Variants in KRT77 observed in about 807,000 individuals in gnomAD.
KRT77 encodes the protein keratin, type II cytoskeletal 1b.
Under a neutral mutation model 51.5 loss-of-function variants are expected in KRT77, and 44 were observed. The observed-to-expected ratio is 0.85, with a 90% CI of 0.67 to 1.10. The LOEUF is 1.10. KRT77 is among the 50% of genes least tolerant of loss of function. KRT77 has a pLI of 0.00. For missense variants in KRT77, 763 were observed against 743.9 expected, an observed-to-expected ratio of 1.03 and a Z score of -0.30; for synonymous variants, 293 against 302.0, an observed-to-expected ratio of 0.97 and a Z score of 0.31.
chr12:52,701,918 T>A (rs1488412218), intron 1 of KRT77, among the ~76,000 whole-genome samples: 1 of 152,178 alleles, frequency 6.6e-6, no homozygotes, highest in Non-Finnish European at 1.5e-5. Flanking sequence ...GCTCTGTGGC[T>A]TCATCTCCAC....
chr12:52,701,724 T>C (rs1326457016), intron 1 of KRT77, among the ~76,000 whole-genome samples: 3 of 152,202 alleles, frequency 2.0e-5, no homozygotes, highest in African/African-American at 7.2e-5. Flanking sequence ...TTGGACCTAA[T>C]CTGAAGTTTC....
rs773252027 is a variant in KRT77 at position 52,694,750 on chromosome 12, A to G, written c.956T>C (p.Val319Ala). ...QVQTHISDTN[V>A]ILSMDNNRSL... Reference sequence around the variant, plus strand: ...ACGGTTATTGTCCATGGACAGGATGACGTTGGTGTCGCTGATGTGAGTCTG... The same window carrying G: ...ACGGTTATTGTCCATGGACAGGATGGCGTTGGTGTCGCTGATGTGAGTCTG... The change falls in exon 5 of 9, where the codon GTC becomes GCC. Residue 319 changes from valine to alanine, a missense_variant. Physicochemically the swap from Val to Ala is moderately conservative, Grantham distance 64. Transcript: ENST00000341809. The G allele has an allele frequency of 5.6e-6, 9 of 1,611,764 alleles. No individual in the cohort carries two copies. The East Asian group carries it at 8.9e-5, about 16-fold the overall frequency.
intron 1 of KRT77, among the ~76,000 whole-genome samples, chr12:52,699,373 A>G (rs1349148500): frequency 6.6e-6 from 1 of 152,204 alleles, no homozygotes; most frequent in Non-Finnish European, 1.5e-5. Context: ...AATATCCAGG[A>G]GCTCATAGAA....
At position 52,692,802 on chromosome 12, in the gene KRT77, G is replaced by T. The variant is rs370988767; in HGVS notation, c.1159C>A (p.Arg387Ser). 1.9e-6 allele frequency: 3 copies of T among 1,604,082 alleles called. No individual in the cohort carries two copies. Among genetic ancestry groups the T allele is most frequent in the Non-Finnish European group, 2.6e-6 (3 of 1,171,658 alleles). The change falls in exon 6 of 9, where the codon CGC becomes AGC. Residue 387 changes from arginine to serine, a missense_variant. Arg to Ser is a moderately radical substitution (Grantham distance 110). Coordinates refer to ENST00000341809, the MANE Select transcript of KRT77 (RefSeq NM_175078.3). ...NSKMEIAELN[R>S]TVQRLQAEIS... is the part of the protein sequence containing the mutation. ...TCTGCCTGCAGCCTCTGGACGGTGCGGTTGAGCTCTGCAATCTCCATCTTG... is the reference window on the plus strand; with the variant it reads ...TCTGCCTGCAGCCTCTGGACGGTGCTGTTGAGCTCTGCAATCTCCATCTTG...
Position 52,692,608 on chromosome 12 carries a change from C to T in KRT77, c.1240G>A (p.Glu414Lys), listed in dbSNP as rs748296038. 3 of 1,540,022 alleles carry T rather than the reference C, an allele frequency of 1.9e-6. No homozygotes were observed. In the East Asian group the frequency reaches 6.7e-5, roughly 34 times the overall value. Reference sequence around the variant, plus strand: ...TGGAGGGCCTGCTCGCCTCTCTCCTCAGCATCCGAAATGAGTGACTGCATC... The same window carrying T: ...TGGAGGGCCTGCTCGCCTCTCTCCTTAGCATCCGAAATGAGTGACTGCATC... ...EQMQSLISDAEERGEQALQDA... is the reference protein window; with the variant it reads ...EQMQSLISDAKERGEQALQDA... The change falls in exon 7 of 9, where the codon GAG becomes AAG. Residue 414 changes from glutamate to lysine, a missense_variant. Coordinates refer to ENST00000341809, the MANE Select transcript of KRT77 (RefSeq NM_175078.3).
At position 52,692,529 on chromosome 12, in the gene KRT77, T is replaced by C. The variant is rs1941728297; in HGVS notation, c.1319A>G (p.Glu440Gly). The C allele has an allele frequency of 2.5e-6, 4 of 1,613,884 alleles. No homozygotes were observed. The Admixed American group carries it at 5.0e-5, about 20-fold the overall frequency. Residue 440 changes from glutamate to glycine, a missense_variant, in exon 7 of 9, where the codon GAG becomes GGG. Physicochemically the swap from Glu to Gly is moderately conservative, Grantham distance 98. Transcript: ENST00000341809. ...DLEEALQQSK[E>G]ELARLLRDYQ... The stretch of plus-strand genomic sequence containing the variant: ...GTCACGCAGCAGCCGGGCCAGCTCC[T>C]CCTTGGACTGCTGCAGGGCCTCCTC...
chr12:52,692,575 A>G lies in KRT77; in HGVS notation c.1273T>C (p.Trp425Arg), dbSNP rs2121045289. 1.4e-6 allele frequency: 2 copies of G among 1,462,142 alleles called. 1 individual carries two copies. The highest frequency in any genetic ancestry group is 1.9e-6 in the Non-Finnish European group (2 of 1,054,184). The allele number at this position is 1,462,142 out of a possible 1,614,324, so 90.6% of individuals were successfully genotyped here. ...TCCTCCAGGTCCTGCAGCTTCTGCC[A>G]CGCATCCTGGAGGGCCTGCTCGCCT... Reference protein sequence around the residue: ...ERGEQALQDAWQKLQDLEEAL... With the variant: ...ERGEQALQDARQKLQDLEEAL... The change falls in exon 7 of 9, where the codon TGG (tryptophan) becomes CGG (arginine). Residue 425 changes from tryptophan (W) to arginine (R), a missense_variant. Trp to Arg is a moderately radical substitution (Grantham distance 101, BLOSUM62 -3). Transcript: ENST00000341809.
rs772091870 is a variant in KRT77, at chr12:52,703,306, C to T, written c.129G>A (p.Arg43=). The change falls in exon 1 of 9, where the codon AGG becomes AGA. Residue 43 remains arginine (R), a synonymous_variant. Coordinates refer to ENST00000341809, the MANE Select transcript of KRT77 (RefSeq NM_175078.3). ...AVGSVCYARG[R]CGGGGYGIHG... is the part of the protein sequence containing the mutation. Reference sequence around the variant, plus strand: ...GGATCCCATATCCACCACCACCACACCTCCCTCGAGCATAACACACAGAAC... The same window carrying T: ...GGATCCCATATCCACCACCACCACATCTCCCTCGAGCATAACACACAGAAC... 1.6e-5 allele frequency: 26 copies of T among 1,614,022 alleles called. No individual in the cohort carries two copies. The South Asian group carries it at 2.7e-4, about 17-fold the overall frequency.
In KRT77 at chr12:52,690,389, T is replaced by C. The variant is rs17118044; in HGVS notation, c.*776A>G. On this transcript the variant is annotated 3_prime_UTR_variant, in exon 9 of 9. Coordinates refer to ENST00000341809, the MANE Select transcript of KRT77 (RefSeq NM_175078.3). ...CAGAGGTTCAGAATCAGGACAGTGA[T>C]GCCTTACAGATATCTGGTGTGGGCA... is the stretch of plus-strand genomic sequence containing the variant. 0.019 allele frequency: 2,844 copies of C among 152,544 alleles called. 173 individuals carry two copies. The highest frequency in any genetic ancestry group is 0.16 in the East Asian group (821 of 5,170). 9.4% of individuals were successfully genotyped at this position (152,544 alleles called of 1,614,324 possible). A position where few individuals can be genotyped will look rare whatever the true frequency, so the allele number is the denominator to read the frequency against.
rs528589470 is a variant in KRT77, at chr12:52,690,902, G to C, written c.*263C>G. On this transcript the variant is annotated 3_prime_UTR_variant, in exon 9 of 9. Coordinates refer to ENST00000341809, the MANE Select transcript of KRT77 (RefSeq NM_175078.3). ...CGATCTTCCAAAAAGGTGGGAGCAG[G>C]AACAGCAGCAGGGCCAGCAGAGCGG... 2 of 568,806 alleles carry C rather than the reference G, an allele frequency of 3.5e-6. No individual in the cohort carries two copies. The highest frequency in any genetic ancestry group is 3.9e-5 in the African/African-American group (2 of 51,724). 35.2% of individuals were successfully genotyped at this position (568,806 alleles called of 1,614,324 possible). A position where few individuals can be genotyped will look rare whatever the true frequency, so the allele number is the denominator to read the frequency against.
At chr12:52,699,861 C>G (rs1941859772) in intron 1 of KRT77, among the ~76,000 whole-genome samples, 1 of 152,230 alleles carries the variant, frequency 6.6e-6, no homozygotes, top group Non-Finnish European at 1.5e-5. Flanking sequence ...CTTTGTTCTC[C>G]AGGGGACACA....
chr12:52,697,340 C>A (rs1941809394), intron 2 of KRT77, among the ~76,000 whole-genome samples: 1 of 152,256 alleles, frequency 6.6e-6, no homozygotes, highest in African/African-American at 2.4e-5. Context: ...AAGGAAGGTT[C>A]TTGCTATTCC....
Position 52,692,833 on chromosome 12 carries a change from C to A in KRT77, c.1128G>T (p.Lys376Asn). 1 of 1,604,104 alleles carries A rather than the reference C, an allele frequency of 6.2e-7. No homozygotes were observed. Among genetic ancestry groups the A allele is most frequent in the Non-Finnish European group, 8.5e-7 (1 of 1,171,568 alleles). Residue 376 changes from lysine (K) to asparagine (N), a missense_variant, in exon 6 of 9, where the codon AAG becomes AAT. Physicochemically the swap from Lys to Asn is moderately conservative, Grantham distance 94. Transcript: ENST00000341809. ...GCTCTGCAATCTCCATCTTGCTGTT[C>A]TTCAGGTCGTCTCCATGTCTCCCTG... The part of the protein sequence containing the change: ...ITAGRHGDDL[K>N]NSKMEIAELN...
At position 52,690,344 on chromosome 12, in the gene KRT77, G is replaced by A. The variant is rs1021711915; in HGVS notation, c.*821C>T. On this transcript the variant is annotated 3_prime_UTR_variant, in exon 9 of 9. Transcript: ENST00000341809. ...ACTTCCACCTTGAGTTGTTTACACA[G>A]GGGAGAATGCTTCCTGAAACAGAGG... 7 of 152,308 alleles carry A rather than the reference G, an allele frequency of 4.6e-5. No homozygotes were observed. The highest frequency in any genetic ancestry group is 1.4e-4 in the African/African-American group (6 of 41,448). The allele number at this position is 152,308 out of a possible 1,614,324, so 9.4% of individuals were successfully genotyped here.
rs200704619 is a variant in KRT77 at position 52,702,887 on chromosome 12, C to T, written c.543+5G>A. On this transcript the variant is annotated splice_donor_5th_base_variant and intron_variant, in intron 1 of 8. Coordinates refer to ENST00000341809, the MANE Select transcript of KRT77 (RefSeq NM_175078.3). Reference sequence around the variant, plus strand: ...AATGACCCTCCCTGCCCCTGAGGTGCTCACCTTGTCAATGAAGGAGGCAAA... The same window carrying T: ...AATGACCCTCCCTGCCCCTGAGGTGTTCACCTTGTCAATGAAGGAGGCAAA... 49 of 1,613,844 alleles carry T rather than the reference C, an allele frequency of 3.0e-5. No individual in the cohort carries two copies. In the East Asian group the frequency reaches 1.0e-3, roughly 35 times the overall value.
intron 1 of KRT77, among the ~76,000 whole-genome samples, chr12:52,699,338 G>A (rs1327516041): frequency 6.6e-6 from 1 of 152,198 alleles, no homozygotes. Context: ...TGGGTGCTCT[G>A]GCTTTAGCCC....
rs370988767 is a variant in KRT77 at position 52,692,802 on chromosome 12, G to A, written c.1159C>T (p.Arg387Cys). Residue 387 changes from arginine (R) to cysteine (C), a missense_variant, in exon 6 of 9, where the codon CGC becomes TGC. Coordinates refer to ENST00000341809, the MANE Select transcript of KRT77 (RefSeq NM_175078.3). Reference sequence around the variant, plus strand: ...TCTGCCTGCAGCCTCTGGACGGTGCGGTTGAGCTCTGCAATCTCCATCTTG... The same window carrying A: ...TCTGCCTGCAGCCTCTGGACGGTGCAGTTGAGCTCTGCAATCTCCATCTTG... ...NSKMEIAELN[R>C]TVQRLQAEIS... 62 of 1,604,082 alleles carry A rather than the reference G, an allele frequency of 3.9e-5. 2 individuals are homozygous for A. Among genetic ancestry groups the A allele is most frequent in the African/African-American group, 1.2e-4 (9 of 74,674 alleles).
chr12:52,699,148 G>A (rs969525876), intron 1 of KRT77, among the ~76,000 whole-genome samples: 38 of 152,212 alleles, frequency 2.5e-4, no homozygotes, highest in African/African-American at 4.6e-4. Context: ...ACAACACCGT[G>A]AGAAATTCCT....
At chr12:52,700,107 C>G (rs1487663121) in intron 1 of KRT77, among the ~76,000 whole-genome samples, 2 of 152,174 alleles carry the variant, frequency 1.3e-5, no homozygotes, top group African/African-American at 2.4e-5. Context: ...TTCTAGAAAG[C>G]CTTTGGCTCC....
Sources: allele counts gnomAD v4.1 joint callset (sites outside exome capture counted in the v4.1 genomes callset), GRCh38; gene constraint gnomAD v4.1.1; transcripts MANE v1.5; gene names NCBI Gene and HGNC (gene_info 2026-07-23, HGNC 2026-07-21).